The following NAALADL2 variants were observed in gnomAD, a reference collection of about 807,000 sequenced individuals.
NAALADL2 encodes the protein N-acetylated alpha-linked acidic dipeptidase like 2.
Under a neutral mutation model 87.2 loss-of-function variants are expected in NAALADL2, and 76 were observed. That is an observed-to-expected ratio of 0.87 (90% CI 0.72 to 1.05). The LOEUF (loss-of-function observed/expected upper bound fraction) is 1.05. Among genes scored for constraint, NAALADL2 ranks in the 50% least tolerant of loss-of-function variants. The pLI, the probability that NAALADL2 is intolerant of heterozygous loss-of-function variation, is 0.00. For missense variants in NAALADL2, 1,089 were observed against 945.8 expected (o/e 1.15, Z -1.99); for synonymous variants, 354 against 331.0 (o/e 1.07, Z -0.75).
intron 2 of NAALADL2, among the ~76,000 whole-genome samples, chr3:175,147,388 G>C (rs181413518): frequency 6.6e-6 from 1 of 152,220 alleles, no homozygotes; most frequent in African/African-American, 2.4e-5. Flanking sequence ...ATGGCCTCCA[G>C]CTGCATCCAG....
In NAALADL2 at chr3:175,467,078, C is replaced by T; in HGVS notation, c.1427C>T (p.Ala476Val). 2 of 1,613,770 alleles carry T rather than the reference C, an allele frequency of 1.2e-6. No individual in the cohort carries two copies. Among genetic ancestry groups the T allele is most frequent in the South Asian group, 2.2e-5 (2 of 91,070 alleles). ...STAIITAFIRALMSKVKRGWR... is the reference protein window; with the variant it reads ...STAIITAFIRVLMSKVKRGWR... ...GCAATAATCACAGCGTTTATCCGTG[C>T]CTTGATGTCAAAAGTTAAGAGAGGG... Residue 476 changes from alanine to valine, a missense_variant, in exon 8 of 14, where the codon GCC becomes GTC. Coordinates refer to ENST00000454872, the MANE Select transcript of NAALADL2 (RefSeq NM_207015.3).
At chr3:175,229,385 G>A (rs1224756339) in intron 2 of NAALADL2, among the ~76,000 whole-genome samples, 3 of 151,926 alleles carry the variant, frequency 2.0e-5, no homozygotes, top group Non-Finnish European at 4.4e-5. Context: ...CACTACACCA[G>A]CAATAGGAAA....
At chr3:174,616,096 CT>C (rs1720434150) in intron 2 of NAALADL2, among the ~76,000 whole-genome samples, 2 of 151,896 alleles carry the variant, frequency 1.3e-5, no homozygotes, top group African/African-American at 4.8e-5. Flanking sequence ...ATTTGCCCCC[CT>C]GTACCCAGAT....
chr3:175,129,499 T>C (rs1727477034), intron 2 of NAALADL2, among the ~76,000 whole-genome samples: 1 of 152,182 alleles, frequency 6.6e-6, no homozygotes, highest in African/African-American at 2.4e-5. Flanking sequence ...TCCTTGGCAA[T>C]GACCATTCTA....
chr3:175,127,234 G>A (rs1260614858), intron 2 of NAALADL2, among the ~76,000 whole-genome samples: 4 of 151,912 alleles, frequency 2.6e-5, no homozygotes, highest in East Asian at 1.9e-4. Flanking sequence ...ATTATCTCCC[G>A]CTACCCCCCA....
intron 13 of NAALADL2, among the ~76,000 whole-genome samples, chr3:175,756,428 G>A (rs557395759): frequency 1.3e-5 from 2 of 152,234 alleles, no homozygotes; most frequent in South Asian, 4.1e-4. Flanking sequence ...CAACCTGAGT[G>A]TCTATCAACG....
At chr3:175,542,211 A>G (rs1375573066) in intron 9 of NAALADL2, among the ~76,000 whole-genome samples, 5 of 152,212 alleles carry the variant, frequency 3.3e-5, no homozygotes, top group Non-Finnish European at 7.3e-5. Context: ...AAGCACTTTT[A>G]TTATTAATAT....
intron 5 of NAALADL2, among the ~76,000 whole-genome samples, chr3:175,434,825 A>G (rs1306072599): frequency 6.6e-6 from 1 of 152,066 alleles, no homozygotes; most frequent in Non-Finnish European, 1.5e-5. Flanking sequence ...TGTAATGTGC[A>G]GATGGCCAAT....
At chr3:175,303,893 A>T (rs1427771110) in intron 4 of NAALADL2, among the ~76,000 whole-genome samples, 3 of 152,210 alleles carry the variant, frequency 2.0e-5, no homozygotes, top group Non-Finnish European at 4.4e-5. Flanking sequence ...TGAAGCCAAT[A>T]GGACAGCAGT....
At chr3:175,123,185 T>C (rs1726403920) in intron 2 of NAALADL2, among the ~76,000 whole-genome samples, 1 of 151,912 alleles carries the variant, frequency 6.6e-6, no homozygotes, top group Non-Finnish European at 1.5e-5. Flanking sequence ...ACCTTTAAAA[T>C]TTTTAAAATA....
intron 11 of NAALADL2, among the ~76,000 whole-genome samples, chr3:175,703,762 T>C (rs554130678): frequency 7.2e-5 from 11 of 152,100 alleles, no homozygotes; most frequent in African/African-American, 2.6e-4. Context: ...AATAAATAAA[T>C]AAACAAAACT....
intron 9 of NAALADL2, among the ~76,000 whole-genome samples, chr3:175,551,020 G>C (rs1348337988): frequency 6.6e-6 from 1 of 152,116 alleles, no homozygotes; most frequent in Non-Finnish European, 1.5e-5. Flanking sequence ...TGTCTGAAAA[G>C]CATTTTTTAT....
intron 2 of NAALADL2, among the ~76,000 whole-genome samples, chr3:175,117,300 G>T (rs1725400728): frequency 6.6e-6 from 1 of 152,148 alleles, no homozygotes; most frequent in East Asian, 1.9e-4. Context: ...CACAGCAAAA[G>T]AAACCACCAT....
intron 1 of NAALADL2, among the ~76,000 whole-genome samples, chr3:175,082,327 GTTTA>G (rs1315853097): frequency 6.6e-6 from 1 of 152,168 alleles, no homozygotes; most frequent in Non-Finnish European, 1.5e-5. Flanking sequence ...GGAGTCTGAA[GTTTA>G]TTATAAATAT....
chr3:174,794,005 A>T (rs915226844), intron 3 of NAALADL2, among the ~76,000 whole-genome samples: 2 of 152,108 alleles, frequency 1.3e-5, no homozygotes, highest in African/African-American at 4.8e-5. Context: ...GAAAGATCCA[A>T]TATCTACTAA....
intron 13 of NAALADL2, among the ~76,000 whole-genome samples, chr3:175,762,898 C>G (rs879395435): frequency 5.3e-5 from 8 of 152,060 alleles, no homozygotes; most frequent in Non-Finnish European, 1.0e-4. Flanking sequence ...TCCTGGCTAA[C>G]ACGGTGAAAC....
intron 9 of NAALADL2, among the ~76,000 whole-genome samples, chr3:175,483,033 G>A (rs1726732389): frequency 6.6e-6 from 1 of 151,744 alleles, no homozygotes; most frequent in Non-Finnish European, 1.5e-5. Context: ...CTGAATAAAA[G>A]GTCTGAATTT....
chr3:175,762,284 T>A (rs1748136353), intron 13 of NAALADL2, among the ~76,000 whole-genome samples: 1 of 151,506 alleles, frequency 6.6e-6, no homozygotes, highest in South Asian at 2.1e-4. Context: ...TTATTTGTCA[T>A]ACGATATAGT....
chr3:174,808,765 C>G (rs762529255), intron 3 of NAALADL2, among the ~76,000 whole-genome samples: 6 of 151,790 alleles, frequency 4.0e-5, no homozygotes, highest in Non-Finnish European at 7.4e-5. Flanking sequence ...AAGCAACTTT[C>G]CAAAATTATA....
Sources: gnomAD v4.1 joint callset for allele counts (sites outside exome capture counted in the v4.1 genomes callset) on GRCh38, gnomAD v4.1.1 for gene constraint, MANE v1.5 for transcripts, NCBI Gene and HGNC (gene_info 2026-07-23, HGNC 2026-07-21) for gene names.